Variants in ANAPC1 observed in about 807,000 individuals in gnomAD.
ANAPC1 encodes the protein anaphase promoting complex subunit 1.
In ANAPC1, 36 loss-of-function variants were observed where a neutral mutation model predicts 208.0. The observed-to-expected ratio is 0.17, with a 90% confidence interval of 0.13 to 0.23. The LOEUF (loss-of-function observed/expected upper bound fraction) is 0.23. Among genes scored for constraint, ANAPC1 ranks in the 10% least tolerant of loss-of-function variants. The pLI is 1.00. For missense variants in ANAPC1, 942 were observed against 2,011.6 expected (o/e 0.47, Z 10.17); for synonymous variants, 378 against 695.2 (o/e 0.54, Z 7.18).
intron 13 of ANAPC1, 78 bp downstream of exon 13, chr2:111,856,536 A>T (rs1370477312): frequency 6.5e-6 from 9 of 1,376,958 alleles, no homozygotes; most frequent in Admixed American, 1.9e-5. Context: ...TAAAATATCA[A>T]TCTAAAGTAA....
Position 111,795,947 on chromosome 2 carries a change from A to ATAAATATT in ANAPC1, c.4297-1061_4297-1054dup, listed in dbSNP as rs1249319285. 3.9e-3 allele frequency among the ~76,000 whole-genome samples: 579 copies of ATAAATATT among 147,914 alleles called. 5 individuals carry two copies. The highest frequency in any genetic ancestry group is 0.014 in the African/African-American group (565 of 40,032). ...TCAGGATGTTTTCTTCAATAAAACA[A>ATAAATATT]TAAATATTGGCCGAACACAGTGGCT... On this transcript the variant is annotated intron_variant, in intron 34 of 47. Transcript: ENST00000341068.
chr2:111,873,191 G>A (rs1016545536), intron 5 of ANAPC1, 117 bp downstream of exon 5: 5 of 1,044,558 alleles, frequency 4.8e-6, no homozygotes, highest in Non-Finnish European at 6.6e-6. Flanking sequence ...GTTATTTTGA[G>A]TAAAAATAAC....
intron 38 of ANAPC1, among the ~76,000 whole-genome samples, chr2:111,791,632 A>G (rs1677879380): frequency 1.3e-5 from 2 of 151,304 alleles, no homozygotes; most frequent in South Asian, 4.2e-4. Context: ...CATAATGTTG[A>G]GCAAAAGTAA....
intron 10 of ANAPC1, among the ~76,000 whole-genome samples, chr2:111,858,939 G>A (rs1179211320): frequency 6.6e-6 from 1 of 152,102 alleles, no homozygotes; most frequent in Non-Finnish European, 1.5e-5. Context: ...GTTGGGGAAA[G>A]CTACAATAAA....
At position 111,829,746 on chromosome 2, in the gene ANAPC1, T is replaced by C. The variant is rs1245737648; in HGVS notation, c.2625+1540A>G. Reference sequence around the variant, plus strand: ...TCTTGAAAAAAATTTCAACAGGATTTTTCTTTGTAGCTATAGACAAGCTGA... The same window carrying C: ...TCTTGAAAAAAATTTCAACAGGATTCTTCTTTGTAGCTATAGACAAGCTGA... On this transcript the variant is annotated intron_variant, in intron 21 of 47. Transcript: ENST00000341068. Among the ~76,000 whole-genome samples the C allele has an allele frequency of 2.0e-5, 3 of 152,122 alleles. No homozygotes were observed. The East Asian group carries it at 5.8e-4, about 29-fold the overall frequency.
At chr2:111,836,475 G>A (rs1169084550) in intron 18 of ANAPC1, among the ~76,000 whole-genome samples, 2 of 150,578 alleles carry the variant, frequency 1.3e-5, no homozygotes, top group Non-Finnish European at 3.0e-5. Flanking sequence ...GTAACACCTT[G>A]TCTCTACCAA....
chr2:111,775,630 G>A (rs1250492450), intron 46 of ANAPC1, among the ~76,000 whole-genome samples: 3 of 152,148 alleles, frequency 2.0e-5, no homozygotes, highest in South Asian at 2.1e-4. Flanking sequence ...CACCAAATGC[G>A]CTAAAGAGCA....
At chr2:111,808,703 A>T (rs1346466272) in intron 29 of ANAPC1, among the ~76,000 whole-genome samples, 1 of 151,694 alleles carries the variant, frequency 6.6e-6, no homozygotes, top group Non-Finnish European at 1.5e-5. Flanking sequence ...ATTAAATGTG[A>T]CCACTGGAAT....
intron 7 of ANAPC1, among the ~76,000 whole-genome samples, chr2:111,867,238 C>T (rs1379330002): frequency 1.3e-5 from 2 of 149,776 alleles, no homozygotes; most frequent in African/African-American, 4.9e-5. Context: ...TGCAGTGAGC[C>T]GAGATCGCAC....
chr2:111,872,837 T>C (rs909182210), intron 5 of ANAPC1, 125 bp from the exon 6 acceptor site: 6 of 642,520 alleles, frequency 9.3e-6, no homozygotes, highest in Admixed American at 3.0e-5. Context: ...AGTAACATAA[T>C]CATTAAATAC....
intron 18 of ANAPC1, among the ~76,000 whole-genome samples, chr2:111,835,139 C>A (rs567672822): frequency 1.3e-5 from 2 of 151,932 alleles, no homozygotes; most frequent in East Asian, 3.9e-4. Context: ...AAGAATTATA[C>A]TATTTAGGTA....
chr2:111,834,174 CA>C, intron 19 of ANAPC1, among the ~76,000 whole-genome samples: 1 of 152,296 alleles, frequency 6.6e-6, no homozygotes, highest in South Asian at 2.1e-4. Flanking sequence ...GACATTTAGG[CA>C]AGTTTCCTCA....
intron 47 of ANAPC1, among the ~76,000 whole-genome samples, chr2:111,771,878 T>C (rs1222884939): frequency 4.6e-5 from 7 of 152,102 alleles, no homozygotes; most frequent in Non-Finnish European, 1.0e-4. Context: ...TGTTTCTATA[T>C]TCTGAAAAAT....
rs1683148008 is a variant in ANAPC1, at chr2:111,878,756, T to C, written c.375+54A>G. The C allele has an allele frequency of 2.5e-6, 4 of 1,600,160 alleles. No homozygotes were observed. The South Asian group carries it at 4.5e-5, about 18-fold the overall frequency. On this transcript the variant is annotated intron_variant, in intron 3 of 47. Coordinates refer to ENST00000341068, the MANE Select transcript of ANAPC1 (RefSeq NM_022662.4). Reference sequence around the variant, plus strand: ...TTCTGTTAAATTTTAAAACAAAACTTTTTTTTAATTGCATTAAATAGTGAA... The same window carrying C: ...TTCTGTTAAATTTTAAAACAAAACTCTTTTTTAATTGCATTAAATAGTGAA...
At chr2:111,883,402 T>C (rs1034443422) in intron 1 of ANAPC1, among the ~76,000 whole-genome samples, 2 of 152,016 alleles carry the variant, frequency 1.3e-5, no homozygotes, top group African/African-American at 4.8e-5. Context: ...TTAATACTTT[T>C]TCAGTACCCC....
chr2:111,801,063 AAAAT>A (rs1240163003), intron 33 of ANAPC1, among the ~76,000 whole-genome samples, 192 bp from the exon 34 acceptor site: 6 of 152,186 alleles, frequency 3.9e-5, no homozygotes, highest in Non-Finnish European at 7.3e-5. Context: ...CCTTAAGCTG[AAAAT>A]ACACTTAGGC....
chr2:111,877,012 TGC>T (rs1274446161), intron 3 of ANAPC1, among the ~76,000 whole-genome samples: 1 of 152,094 alleles, frequency 6.6e-6, no homozygotes, highest in East Asian at 1.9e-4. Flanking sequence ...TTTGTGTGTG[TGC>T]ATTTGTGTAC....
intron 21 of ANAPC1, among the ~76,000 whole-genome samples, chr2:111,829,734 T>G (rs1479728577): frequency 6.6e-6 from 1 of 151,968 alleles, no homozygotes; most frequent in East Asian, 1.9e-4. Flanking sequence ...TGAAAAAAAT[T>G]TCAACAGGAT....
At chr2:111,879,270 C>A (rs950780240) in intron 2 of ANAPC1, among the ~76,000 whole-genome samples, 60 of 152,106 alleles carry the variant, frequency 3.9e-4, no homozygotes, top group Non-Finnish European at 7.2e-4. Context: ...AAATCACATG[C>A]TTGGGAGACT....
Sources: allele counts gnomAD v4.1 joint callset (sites outside exome capture counted in the v4.1 genomes callset), GRCh38; gene constraint gnomAD v4.1.1; transcripts MANE v1.5; gene names NCBI Gene and HGNC (gene_info 2026-07-23, HGNC 2026-07-21).